Variants in CREB5 observed in about 807,000 individuals in gnomAD.
CREB5 encodes the protein cAMP responsive element binding protein 5, also known as cyclic AMP-responsive element-binding protein 5.
A neutral mutation model predicts 57.1 loss-of-function variants in CREB5; 19 were observed. That is an observed-to-expected ratio of 0.33 (90% confidence interval 0.23 to 0.49). CREB5 has a LOEUF of 0.49. CREB5 is among the 20% of genes least tolerant of loss of function. The pLI is 0.99. For synonymous variants in CREB5, 238 were observed against 238.3 expected, an observed-to-expected ratio of 1.00 and a Z score of 0.01; for missense variants, 579 against 671.6, an observed-to-expected ratio of 0.86 and a Z score of 1.52.
chr7:28,598,992 C>A (rs1328377239), intron 5 of CREB5, among the ~76,000 whole-genome samples: 4 of 152,144 alleles, frequency 2.6e-5, no homozygotes, highest in Non-Finnish European at 5.9e-5. Context: ...TGATACAGAA[C>A]TTCAGCTCTC....
chr7:28,714,608 A>G (rs958986955), intron 5 of CREB5, among the ~76,000 whole-genome samples: 1 of 152,248 alleles, frequency 6.6e-6, no homozygotes, highest in Non-Finnish European at 1.5e-5. Context: ...AAATGAGGAC[A>G]TGAAATCGCT....
intron 5 of CREB5, among the ~76,000 whole-genome samples, chr7:28,689,432 T>C (rs572229958): frequency 8.6e-4 from 131 of 152,234 alleles, no homozygotes; most frequent in Non-Finnish European, 1.8e-3. Flanking sequence ...CGAGCCACTG[T>C]ACTCCAGCCT....
chr7:28,738,901 G>A (rs1468385957), intron 7 of CREB5, among the ~76,000 whole-genome samples: 5 of 152,136 alleles, frequency 3.3e-5, no homozygotes, highest in Non-Finnish European at 7.4e-5. Context: ...TTTTCCTCCC[G>A]AAATATTTAT....
At chr7:28,482,999 C>G (rs983166654) in intron 1 of CREB5, among the ~76,000 whole-genome samples, 1 of 152,176 alleles carries the variant, frequency 6.6e-6, no homozygotes, top group Non-Finnish European at 1.5e-5. Context: ...TTGATGTTAA[C>G]TAGGGATTAG....
intron 5 of CREB5, among the ~76,000 whole-genome samples, chr7:28,668,046 T>G (rs1399257827): frequency 6.6e-6 from 1 of 152,084 alleles, no homozygotes; most frequent in Non-Finnish European, 1.5e-5. Flanking sequence ...TACTACAGAG[T>G]TGTATACAAA....
chr7:28,439,939 TTGAATGAGTGAA>T (rs1194886926), intron 1 of CREB5, among the ~76,000 whole-genome samples: 3 of 152,194 alleles, frequency 2.0e-5, no homozygotes, highest in Admixed American at 6.5e-5. Context: ...TAGCTATGTC[TTGAATGAGTGAA>T]TGAATGAGTG....
chr7:28,407,080 G>A (rs1435165132), intron 1 of CREB5, among the ~76,000 whole-genome samples: 3 of 150,400 alleles, frequency 2.0e-5, no homozygotes, highest in Non-Finnish European at 4.4e-5. Context: ...ACAGAGTTTC[G>A]CTCTTGTCAC....
At chr7:28,458,587 C>T (rs1460365277) in intron 1 of CREB5, among the ~76,000 whole-genome samples, 1 of 152,142 alleles carries the variant, frequency 6.6e-6, no homozygotes, top group East Asian at 1.9e-4. Flanking sequence ...AGAGAGGGAT[C>T]CCAAAGTTAC....
At position 28,548,902 on chromosome 7, in the gene CREB5, T is replaced by C. The variant is rs567977608; in HGVS notation, c.292-21463T>C. 5.9e-5 allele frequency among the ~76,000 whole-genome samples: 9 copies of C among 152,308 alleles called. No homozygotes were observed. In the South Asian group the frequency reaches 1.9e-3, roughly 32 times the overall value. ...CATGCCTAGGCCAAAAGAAATACCA[T>C]ACTATTCTGCTTATTAAATAATTAG... On this transcript the variant is annotated intron_variant, in intron 4 of 10. Coordinates refer to ENST00000357727, the MANE Select transcript of CREB5 (RefSeq NM_182898.4).
intron 5 of CREB5, among the ~76,000 whole-genome samples, chr7:28,706,959 G>A (rs1363569428): frequency 1.3e-5 from 2 of 152,178 alleles, no homozygotes; most frequent in Non-Finnish European, 1.5e-5. Context: ...AGTCTGTTAA[G>A]AAACCTCTGT....
At chr7:28,795,755 CTT>C (rs367853221) in intron 7 of CREB5, among the ~76,000 whole-genome samples, 16 of 137,422 alleles carry the variant, frequency 1.2e-4, no homozygotes, top group Admixed American at 1.5e-4. Context: ...GTTTTTCTTT[CTT>C]TTTTTTTTTT....
At position 28,551,476 on chromosome 7, in the gene CREB5, C is replaced by T. The variant is rs115829127; in HGVS notation, c.292-18889C>T. Among the ~76,000 whole-genome samples, 1,353 of 152,290 alleles carry T rather than the reference C, an allele frequency of 8.9e-3. 22 individuals carry two copies. Among genetic ancestry groups the T allele is most frequent in the African/African-American group, 0.03 (1,239 of 41,564 alleles). On this transcript the variant is annotated intron_variant, in intron 4 of 10. Transcript: ENST00000357727. ...TCCTTCCCGGGTTCATATTCTCAGC[C>T]AACTGGTGACTAACCCTTTTTGTGT... is the stretch of plus-strand genomic sequence containing the variant.
chr7:28,347,509 G>A (rs1053840798), intron 1 of CREB5, among the ~76,000 whole-genome samples: 4 of 152,134 alleles, frequency 2.6e-5, no homozygotes, highest in African/African-American at 9.7e-5. Context: ...AGCATATTTC[G>A]ATGCCAGCAT....
chr7:28,590,767 AG>A (rs942505563), intron 5 of CREB5, among the ~76,000 whole-genome samples: 3 of 151,948 alleles, frequency 2.0e-5, no homozygotes, highest in African/African-American at 7.2e-5. Context: ...TTAATCACTC[AG>A]TGCCTCTGTT....
At chr7:28,595,310 C>T (rs1796656996) in intron 5 of CREB5, among the ~76,000 whole-genome samples, 1 of 152,046 alleles carries the variant, frequency 6.6e-6, no homozygotes, top group African/African-American at 2.4e-5. Context: ...TGCCCATCAC[C>T]CTCACTATGC....
intron 1 of CREB5, among the ~76,000 whole-genome samples, chr7:28,352,288 G>A (rs1786209514): frequency 6.6e-6 from 1 of 152,116 alleles, no homozygotes; most frequent in Admixed American, 6.5e-5. Flanking sequence ...CCTTGGCATG[G>A]AAGAGTCCCC....
chr7:28,451,290 A>G (rs1445394760), intron 1 of CREB5, among the ~76,000 whole-genome samples: 1 of 152,168 alleles, frequency 6.6e-6, no homozygotes, highest in Non-Finnish European at 1.5e-5. Flanking sequence ...GCTGGCATCT[A>G]AGATTCCTCA....
intron 5 of CREB5, among the ~76,000 whole-genome samples, chr7:28,664,443 C>G (rs1036228781): frequency 6.6e-6 from 1 of 152,076 alleles, no homozygotes; most frequent in East Asian, 1.9e-4. Context: ...TCTCTCCTTT[C>G]CTTCCTCTCT....
At chr7:28,489,864 A>T (rs1003418239) in intron 2 of CREB5, among the ~76,000 whole-genome samples, 1 of 152,206 alleles carries the variant, frequency 6.6e-6, no homozygotes, top group South Asian at 2.1e-4. Context: ...AAACACTAGG[A>T]AAAAAACAGA....
Sources: gnomAD v4.1 joint callset for allele counts (sites outside exome capture counted in the v4.1 genomes callset) on GRCh38, gnomAD v4.1.1 for gene constraint, MANE v1.5 for transcripts, NCBI Gene and HGNC (gene_info 2026-07-23, HGNC 2026-07-21) for gene names.